LINC00305: variants seen among roughly 807,000 people sequenced by gnomAD.
LINC00305 encodes long independently transcribed non-coding RNA 305.
chr18:64,119,880 T>C (rs951688286), intron 1 of LINC00305, among the ~76,000 whole-genome samples: 1 of 152,124 alleles, frequency 6.6e-6, no homozygotes, highest in African/African-American at 2.4e-5. Context: ...AATTTGGCTT[T>C]TGCTTTTGGG....
intron 1 of LINC00305, among the ~76,000 whole-genome samples, chr18:64,117,565 C>G (rs1298188284): frequency 6.6e-6 from 1 of 152,134 alleles, no homozygotes; most frequent in East Asian, 1.9e-4. Context: ...TTGGAATTCT[C>G]AGAGATGTAG....
chr18:64,135,978 A>C (rs1381289019), intron 1 of LINC00305, among the ~76,000 whole-genome samples: 1 of 152,088 alleles, frequency 6.6e-6, no homozygotes, highest in Non-Finnish European at 1.5e-5. Flanking sequence ...GACGTGGAGG[A>C]CTTCATTCAA....
chr18:64,125,186 A>T (rs1320177245), intron 1 of LINC00305, among the ~76,000 whole-genome samples: 1 of 152,022 alleles, frequency 6.6e-6, no homozygotes, highest in Non-Finnish European at 1.5e-5. Context: ...CTAGTTTTTC[A>T]TTTGCCTTGT....
chr18:64,085,544 C>A (rs1472182299), intron 3 of LINC00305, among the ~76,000 whole-genome samples: 1 of 151,878 alleles, frequency 6.6e-6, no homozygotes, highest in Non-Finnish European at 1.5e-5. Context: ...CTCACGGCAA[C>A]CTCTGCCTCC....
intron 1 of LINC00305, chr18:64,104,380 CTT>C (rs1258823542): frequency 6.6e-6 from 1 of 152,208 alleles, no homozygotes; most frequent in Non-Finnish European, 1.5e-5. Flanking sequence ...GGAAGGCAGA[CTT>C]CAGCTTAATT....
At chr18:64,124,311 C>G (rs967320965) in intron 1 of LINC00305, among the ~76,000 whole-genome samples, 1 of 152,096 alleles carries the variant, frequency 6.6e-6, no homozygotes, top group Non-Finnish European at 1.5e-5. Context: ...TCTCTCTCAA[C>G]TGGTTTTCCT....
chr18:64,105,994 A>C (rs533472226), intron 1 of LINC00305, among the ~76,000 whole-genome samples: 1 of 152,254 alleles, frequency 6.6e-6, no homozygotes, highest in Non-Finnish European at 1.5e-5. Context: ...CCTTTGCAGG[A>C]ATGCATGTAA....
intron 1 of LINC00305, among the ~76,000 whole-genome samples, chr18:64,138,711 G>A (rs1421306795): frequency 2.0e-5 from 3 of 152,076 alleles, no homozygotes; most frequent in South Asian, 2.1e-4. Flanking sequence ...GTGCTTTTGT[G>A]GTTATTTTCT....
chr18:64,114,727 T>A (rs2051330217), intron 1 of LINC00305, among the ~76,000 whole-genome samples: 1 of 152,184 alleles, frequency 6.6e-6, no homozygotes, highest in African/African-American at 2.4e-5. Flanking sequence ...TTTTGTATTT[T>A]TAGTAGAGAT....
chr18:64,099,660 C>T (rs994241160), intron 1 of LINC00305, among the ~76,000 whole-genome samples: 1 of 152,166 alleles, frequency 6.6e-6, no homozygotes, highest in African/African-American at 2.4e-5. Context: ...GGTAAGAACT[C>T]GGAACTGAGT....
chr18:64,108,543 C>T (rs775030358), intron 1 of LINC00305, among the ~76,000 whole-genome samples: 69 of 152,270 alleles, frequency 4.5e-4, no homozygotes, highest in Non-Finnish European at 7.6e-4. Flanking sequence ...CACAGAAGGC[C>T]TCTTAGAGTT....
Position 64,133,787 on chromosome 18 carries a change from A to C in LINC00305, n.314+14988T>G, listed in dbSNP as rs147044998. ...GATTTTCCCATTTCATAGAACAACAAAAAAGGTCTTTCAACATGTCATTTT... is the reference window on the plus strand; with the variant it reads ...GATTTTCCCATTTCATAGAACAACACAAAAGGTCTTTCAACATGTCATTTT... On this transcript the variant is annotated intron_variant and non_coding_transcript_variant, in intron 1 of 3. Transcript: ENST00000666468. 6.9e-3 allele frequency among the ~76,000 whole-genome samples: 1,045 copies of C among 152,314 alleles called. 1 individual carries two copies. The highest frequency in any genetic ancestry group is 0.013 in the South Asian group (62 of 4,822).
chr18:64,103,097 A>G (rs1305138718), intron 1 of LINC00305, among the ~76,000 whole-genome samples: 1 of 152,190 alleles, frequency 6.6e-6, no homozygotes, highest in Non-Finnish European at 1.5e-5. Context: ...TTTCTTATTG[A>G]CATACCTTCT....
At chr18:64,142,263 G>A (rs1278739354) in intron 1 of LINC00305, among the ~76,000 whole-genome samples, 1 of 152,180 alleles carries the variant, frequency 6.6e-6, no homozygotes, top group African/African-American at 2.4e-5. Context: ...AATTGAATAG[G>A]CTTTTAAAAA....
At chr18:64,136,305 T>C (rs1568117531) in intron 1 of LINC00305, among the ~76,000 whole-genome samples, 1 of 152,216 alleles carries the variant, frequency 6.6e-6, no homozygotes. Context: ...GTTCTCATGC[T>C]GCCATGAAGA....
chr18:64,096,819 C>T (rs1256161163), intron 3 of LINC00305, among the ~76,000 whole-genome samples: 2 of 151,764 alleles, frequency 1.3e-5, no homozygotes, highest in African/African-American at 2.4e-5. Flanking sequence ...ATATGAGGAA[C>T]TACTGAAATT....
chr18:64,123,773 A>G (rs531171684), intron 1 of LINC00305, among the ~76,000 whole-genome samples: 2 of 152,056 alleles, frequency 1.3e-5, no homozygotes, highest in Non-Finnish European at 2.9e-5. Flanking sequence ...AGGGCCTGGT[A>G]GGAGGTATTT....
chr18:64,081,028 T>C (rs975456572), intron 3 of LINC00305, among the ~76,000 whole-genome samples: 3 of 152,238 alleles, frequency 2.0e-5, no homozygotes, highest in African/African-American at 7.2e-5. Context: ...TCTGTGTGTT[T>C]AAGTATTGAA....
intron 2 of LINC00305, chr18:64,098,545 C>T (rs758620478): frequency 5.0e-5 from 22 of 436,386 alleles, no homozygotes; most frequent in Non-Finnish European, 9.0e-5. Flanking sequence ...AGGTTTGTAA[C>T]TTTAAAGAAA....
Sources: allele counts gnomAD v4.1 joint callset (sites outside exome capture counted in the v4.1 genomes callset), GRCh38; gene constraint gnomAD v4.1.1; transcripts MANE v1.5; gene names NCBI Gene and HGNC (gene_info 2026-07-23, HGNC 2026-07-21).